Variants in DLG2 observed in about 807,000 individuals in gnomAD.
DLG2 encodes the protein discs large MAGUK scaffold protein 2.
A neutral mutation model predicts 132.5 loss-of-function variants in DLG2; 45 were observed. The ratio of observed to expected loss-of-function variants is 0.34; its 90% CI spans 0.27 to 0.44. The LOEUF is 0.44. Among genes scored for constraint, DLG2 ranks in the 20% least tolerant of loss-of-function variants. The pLI is 1.00. For missense variants in DLG2, 1,045 were observed against 1,196.9 expected (o/e 0.87, Z 1.87); for synonymous variants, 424 against 419.6 (o/e 1.01, Z -0.13).
chr11:85,042,279 G>T (rs1006316261), intron 6 of DLG2, among the ~76,000 whole-genome samples: 1 of 151,848 alleles, frequency 6.6e-6, no homozygotes, highest in Non-Finnish European at 1.5e-5. Flanking sequence ...AATAAATAAG[G>T]TATCCAAAGG....
intron 3 of DLG2, among the ~76,000 whole-genome samples, chr11:85,392,279 A>G (rs181241782): frequency 6.6e-6 from 1 of 152,284 alleles, no homozygotes; most frequent in African/African-American, 2.4e-5. Flanking sequence ...TGCTGTAAGA[A>G]ATCATATATG....
In DLG2 at chr11:85,068,552, C is replaced by T. The variant is rs934029265; in HGVS notation, c.357+43109G>A. ...ATCATGAGTGAACTCCCATTCACAACTGCTTCAAAGAGAATAAAATACCTA... is the reference window on the plus strand; with the variant it reads ...ATCATGAGTGAACTCCCATTCACAATTGCTTCAAAGAGAATAAAATACCTA... On this transcript the variant is annotated intron_variant, in intron 6 of 27. Coordinates refer to ENST00000376104, the MANE Select transcript of DLG2 (RefSeq NM_001142699.3). 6.4e-4 allele frequency among the ~76,000 whole-genome samples: 98 copies of T among 152,038 alleles called. 1 individual carries two copies. The highest frequency in any genetic ancestry group is 2.1e-3 in the East Asian group (11 of 5,152).
intron 6 of DLG2, among the ~76,000 whole-genome samples, chr11:84,830,254 A>T (rs1047923803): frequency 6.6e-6 from 1 of 151,538 alleles, no homozygotes; most frequent in African/African-American, 2.4e-5. Flanking sequence ...ATGAGGCTTA[A>T]CTATTCTGTG....
chr11:83,985,283 T>C (rs771269320), intron 11 of DLG2, among the ~76,000 whole-genome samples: 2 of 152,084 alleles, frequency 1.3e-5, no homozygotes, highest in Non-Finnish European at 2.9e-5. Context: ...TTAGCTAATT[T>C]TTCCCTCCTT....
chr11:85,054,312 A>G (rs1016027613), intron 6 of DLG2, among the ~76,000 whole-genome samples: 1 of 152,074 alleles, frequency 6.6e-6, no homozygotes, highest in African/African-American at 2.4e-5. Context: ...AATCAAAATC[A>G]CAATGAAATA....
chr11:84,397,126 A>C (rs561448847), intron 7 of DLG2, among the ~76,000 whole-genome samples: 1 of 152,282 alleles, frequency 6.6e-6, no homozygotes, highest in South Asian at 2.1e-4. Context: ...GAAAAAATTT[A>C]AAGATAAGGA....
chr11:84,134,059 A>T (rs1057416423), intron 9 of DLG2, among the ~76,000 whole-genome samples: 1 of 151,916 alleles, frequency 6.6e-6, no homozygotes, highest in Non-Finnish European at 1.5e-5. Flanking sequence ...GGTATTTCTT[A>T]CTATGTGCCT....
rs1225610713 is a variant in DLG2, at chr11:83,788,383, G to A, written c.1723-1591C>T. On this transcript the variant is annotated intron_variant, in intron 17 of 27. Transcript: ENST00000376104. ...AGCATTGATTACATGGTAACATTGG[G>A]GAGTCCACTGAGCTAGGCCTGATCT... is the stretch of plus-strand genomic sequence containing the variant. Among the ~76,000 whole-genome samples, 3 of 152,126 alleles carry A rather than the reference G, an allele frequency of 2.0e-5. No individual in the cohort carries two copies. In the East Asian group the frequency reaches 5.8e-4, roughly 29 times the overall value.
At chr11:85,349,173 CTGTT>C (rs1245916295) in intron 3 of DLG2, among the ~76,000 whole-genome samples, 3 of 152,040 alleles carry the variant, frequency 2.0e-5, no homozygotes, top group Admixed American at 6.5e-5. Flanking sequence ...ACTGAGCAGA[CTGTT>C]TGTAGATAAA....
chr11:84,965,219 G>A (rs1300321938), intron 6 of DLG2, among the ~76,000 whole-genome samples: 1 of 152,090 alleles, frequency 6.6e-6, no homozygotes, highest in Non-Finnish European at 1.5e-5. Flanking sequence ...CAACACAGCA[G>A]TAAATGTGTT....
chr11:85,101,599 C>G (rs349085), intron 6 of DLG2, among the ~76,000 whole-genome samples: 1 of 151,896 alleles, frequency 6.6e-6, no homozygotes. Flanking sequence ...AACAGAAGTA[C>G]TGAATTGGAA....
chr11:85,492,685 T>C (rs1031915477), intron 3 of DLG2, among the ~76,000 whole-genome samples: 3 of 152,056 alleles, frequency 2.0e-5, no homozygotes, highest in Admixed American at 2.0e-4. Context: ...TAGCATCAAA[T>C]TGGGAGGGTA....
At chr11:84,758,678 A>G (rs1359005848) in intron 6 of DLG2, among the ~76,000 whole-genome samples, 1 of 152,174 alleles carries the variant, frequency 6.6e-6, no homozygotes, top group Non-Finnish European at 1.5e-5. Context: ...TTAGTTTACA[A>G]AACGTTTTCA....
At chr11:85,287,299 A>C (rs2078619807) in intron 3 of DLG2, among the ~76,000 whole-genome samples, 1 of 152,118 alleles carries the variant, frequency 6.6e-6, no homozygotes, top group Non-Finnish European at 1.5e-5. Context: ...TCCAGATATG[A>C]AAAGAAATAC....
chr11:84,343,083 G>T (rs2098523000), intron 7 of DLG2, among the ~76,000 whole-genome samples: 1 of 152,290 alleles, frequency 6.6e-6, no homozygotes, highest in Admixed American at 6.5e-5. Context: ...AAGTTTAGTG[G>T]CAAGTAATGT....
intron 3 of DLG2, among the ~76,000 whole-genome samples, chr11:85,534,934 A>G (rs943670555): frequency 3.3e-5 from 5 of 152,220 alleles, no homozygotes; most frequent in Admixed American, 1.3e-4. Context: ...CACAAGGGCT[A>G]AACTAATTTA....
At chr11:83,827,604 G>A (rs1220938652) in intron 17 of DLG2, among the ~76,000 whole-genome samples, 1 of 152,156 alleles carries the variant, frequency 6.6e-6, no homozygotes, top group Non-Finnish European at 1.5e-5. Flanking sequence ...TCAAGAATGA[G>A]CTTTGGAGTT....
intron 3 of DLG2, among the ~76,000 whole-genome samples, chr11:85,371,035 C>T (rs2084936331): frequency 6.6e-6 from 1 of 152,188 alleles, no homozygotes; most frequent in Admixed American, 6.5e-5. Flanking sequence ...TGTAGCTACC[C>T]TGGACATTTT....
intron 4 of DLG2, among the ~76,000 whole-genome samples, chr11:85,184,041 A>T (rs1035921105): frequency 1.3e-5 from 2 of 151,972 alleles, no homozygotes; most frequent in Non-Finnish European, 2.9e-5. Context: ...TCCAAGGGTT[A>T]TACAGTAATT....
Sources: gnomAD v4.1 joint callset for allele counts (sites outside exome capture counted in the v4.1 genomes callset) on GRCh38, gnomAD v4.1.1 for gene constraint, MANE v1.5 for transcripts, NCBI Gene and HGNC (gene_info 2026-07-23, HGNC 2026-07-21) for gene names.